Variants in PUM2 observed in about 807,000 individuals in gnomAD.
The protein encoded by PUM2 is pumilio RNA binding family member 2.
PUM2 carries 57 observed loss-of-function variants against 124.5 expected under a neutral mutation model. That is an observed-to-expected ratio of 0.46 (90% CI 0.37 to 0.57). PUM2 has a LOEUF of 0.57. Ranked by LOEUF, PUM2 falls within the 20% of genes least tolerant of loss-of-function variation. PUM2 has a pLI of 0.00. For missense variants in PUM2, 1,065 were observed against 1,290.6 expected, an observed-to-expected ratio of 0.83 and a Z score of 2.68; for synonymous variants, 460 against 446.1, an observed-to-expected ratio of 1.03 and a Z score of -0.39.
chr2:20,267,026 CTTTT>C (rs373222999), intron 13 of PUM2, among the ~76,000 whole-genome samples: 10 of 142,808 alleles, frequency 7.0e-5, no homozygotes, highest in African/African-American at 1.8e-4. Context: ...ATGCCTGTAA[CTTTT>C]TTTTTTTTTT....
intron 3 of PUM2, among the ~76,000 whole-genome samples, chr2:20,315,984 GA>G (rs1680844269): frequency 6.6e-6 from 1 of 151,970 alleles, no homozygotes; most frequent in African/African-American, 2.4e-5. Context: ...CTCTCAGCAA[GA>G]AATATGCCTT....
At position 20,283,122 on chromosome 2, in the gene PUM2, G is replaced by A. The variant is rs1671928094; in HGVS notation, c.1545C>T (p.Ser515=). 3 of 1,614,140 alleles carry A rather than the reference G, an allele frequency of 1.9e-6. No individual in the cohort carries two copies. The highest frequency in any genetic ancestry group is 2.5e-6 in the Non-Finnish European group (3 of 1,180,026). Residue 515 remains serine (S), a synonymous_variant, in exon 12 of 21, where the codon AGC becomes AGT. Transcript: ENST00000361078. ...QPPQQQQQQP[S]TNLQSNSFYG... is the part of the protein sequence containing the mutation. Reference sequence around the variant, plus strand: ...AAAATGAATTAGATTGCAGATTAGTGCTTGGCTGCTGTTGCTGCTGCTGTG... The same window carrying A: ...AAAATGAATTAGATTGCAGATTAGTACTTGGCTGCTGTTGCTGCTGCTGTG...
At chr2:20,281,525 T>G (rs1671517153) in intron 12 of PUM2, among the ~76,000 whole-genome samples, 1 of 152,206 alleles carries the variant, frequency 6.6e-6, no homozygotes, top group Non-Finnish European at 1.5e-5. Flanking sequence ...AAAAACTATT[T>G]CCACAAGTTT....
intron 19 of PUM2, 44 bp from the exon 20 acceptor site, chr2:20,254,058 T>G: frequency 2.0e-6 from 3 of 1,534,006 alleles, no homozygotes; most frequent in Non-Finnish European, 2.7e-6. Context: ...ATTTTTTTCT[T>G]CACAGCAAAA....
intron 20 of PUM2, among the ~76,000 whole-genome samples, 168 bp from the exon 21 acceptor site, chr2:20,251,884 CCAAA>C (rs1663447205): frequency 6.6e-6 from 1 of 152,312 alleles, no homozygotes; most frequent in African/African-American, 2.4e-5. Flanking sequence ...CTCAATCCCT[CCAAA>C]CATCTGTTCT....
At chr2:20,322,697 G>A (rs558412099) in intron 2 of PUM2, among the ~76,000 whole-genome samples, 63 of 152,266 alleles carry the variant, frequency 4.1e-4, no homozygotes, top group African/African-American at 1.3e-3. Context: ...CAGACACTGG[G>A]GAGGCTGATG....
rs570977065 is a variant in PUM2, at chr2:20,319,013, T to TC, written c.52-369dup. Among the ~76,000 whole-genome samples the TC allele has an allele frequency of 2.9e-3, 449 of 152,296 alleles. 2 individuals are homozygous for TC. The highest frequency in any genetic ancestry group is 0.01 in the African/African-American group (430 of 41,554). On this transcript the variant is annotated intron_variant, in intron 2 of 20. Coordinates refer to ENST00000361078, the MANE Select transcript of PUM2 (RefSeq NM_015317.5). Reference sequence around the variant, plus strand: ...CTTTTCCCTTCACTTCCAAGTCCTCTCCCTAGACCACCTCCTATCATATCT... The same window carrying TC: ...CTTTTCCCTTCACTTCCAAGTCCTCTCCCCTAGACCACCTCCTATCATATCT...
At chr2:20,337,301 G>C (rs548108303) in intron 1 of PUM2, among the ~76,000 whole-genome samples, 1 of 152,272 alleles carries the variant, frequency 6.6e-6, no homozygotes, top group East Asian at 1.9e-4. Flanking sequence ...ATACTAGCAA[G>C]AGGATTGGGT....
chr2:20,253,720 C>T (rs1664048980), intron 20 of PUM2, 102 bp downstream of exon 20: 3 of 1,092,606 alleles, frequency 2.7e-6, no homozygotes, highest in South Asian at 4.2e-5. Context: ...TTAATTTTTC[C>T]TCCAGTTATA....
intron 13 of PUM2, among the ~76,000 whole-genome samples, chr2:20,277,940 T>C (rs1286165369): frequency 6.6e-6 from 1 of 152,100 alleles, no homozygotes; most frequent in Non-Finnish European, 1.5e-5. Context: ...GGAAAAAAGG[T>C]AATCACCAAT....
At chr2:20,278,561 A>G in intron 13 of PUM2, 22 bp downstream of exon 13, 5 of 1,537,308 alleles carry the variant, frequency 3.3e-6, no homozygotes, top group Non-Finnish European at 4.5e-6. Context: ...ACAAATAAAA[A>G]GGGTTTTGGT....
At chr2:20,318,004 G>C (rs548573099) in intron 3 of PUM2, among the ~76,000 whole-genome samples, 2 of 152,038 alleles carry the variant, frequency 1.3e-5, no homozygotes, top group Non-Finnish European at 2.9e-5. Flanking sequence ...AAACATACAC[G>C]TGTGTGTCTT....
intron 13 of PUM2, among the ~76,000 whole-genome samples, chr2:20,272,088 G>A (rs1274737575): frequency 6.6e-6 from 1 of 151,860 alleles, no homozygotes; most frequent in Non-Finnish European, 1.5e-5. Flanking sequence ...GAACCTGGGA[G>A]ACAGGCTGCA....
intron 8 of PUM2, among the ~76,000 whole-genome samples, chr2:20,296,535 T>C (rs546318608): frequency 1.4e-4 from 21 of 151,304 alleles, no homozygotes; most frequent in African/African-American, 5.1e-4. Context: ...AAATACTGAC[T>C]GTCAGAAGTG....
At chr2:20,328,529 T>G (rs925973393) in intron 1 of PUM2, among the ~76,000 whole-genome samples, 1 of 152,162 alleles carries the variant, frequency 6.6e-6, no homozygotes, top group Non-Finnish European at 1.5e-5. Context: ...AGGTTAGAAT[T>G]AGCAGACAGC....
In PUM2 at chr2:20,315,695, G is replaced by A. The variant is rs557397096; in HGVS notation, c.160+2842C>T. Reference sequence around the variant, plus strand: ...TCTTTGGTTGGCTGGGCATAGTGGCGCATACTTTTAATTCCAGCACTTCGG... The same window carrying A: ...TCTTTGGTTGGCTGGGCATAGTGGCACATACTTTTAATTCCAGCACTTCGG... On this transcript the variant is annotated intron_variant, in intron 3 of 20. Coordinates refer to ENST00000361078, the MANE Select transcript of PUM2 (RefSeq NM_015317.5). 1.1e-4 allele frequency among the ~76,000 whole-genome samples: 16 copies of A among 151,942 alleles called. No homozygotes were observed. In the South Asian group the frequency reaches 1.7e-3, roughly 16 times the overall value.
At position 20,294,419 on chromosome 2, in the gene PUM2, G is replaced by A. The variant is rs777556300; in HGVS notation, c.1109C>T (p.Ala370Val). 6 of 1,614,030 alleles carry A rather than the reference G, an allele frequency of 3.7e-6. No homozygotes were observed. In the East Asian group the frequency reaches 8.9e-5, roughly 24 times the overall value. ...AGCTTGTGATGCTGCTTGCTGACTG[G>A]CTGTGTTATTTGCCGCAGCTGCAGC... is the stretch of plus-strand genomic sequence containing the variant. ...QQAAAAANNT[A>V]SQQAASQAQP... Residue 370 changes from alanine (A) to valine (V), a missense_variant, in exon 9 of 21, where the codon GCC becomes GTC. Physicochemically the swap from Ala to Val is moderately conservative, Grantham distance 64. Transcript: ENST00000361078.
intron 8 of PUM2, 145 bp downstream of exon 8, chr2:20,297,408 T>C: frequency 1.3e-6 from 1 of 760,484 alleles, no homozygotes; most frequent in Non-Finnish European, 1.9e-6. Flanking sequence ...AGTACTAACT[T>C]CCTGGAAACT....
chr2:20,347,451 C>A (rs1428727516), intron 1 of PUM2, among the ~76,000 whole-genome samples: 1 of 152,140 alleles, frequency 6.6e-6, no homozygotes, highest in Non-Finnish European at 1.5e-5. Flanking sequence ...GCATTTATCA[C>A]GCACCTACCT....
Sources: allele counts gnomAD v4.1 joint callset (sites outside exome capture counted in the v4.1 genomes callset), GRCh38; gene constraint gnomAD v4.1.1; transcripts MANE v1.5; gene names NCBI Gene and HGNC (gene_info 2026-07-23, HGNC 2026-07-21).